ABL2: variants seen among roughly 807,000 people sequenced by gnomAD.
ABL2 encodes tyrosine-protein kinase ABL2.
In ABL2, 49 loss-of-function variants were observed where a neutral mutation model predicts 107.7. The ratio of observed to expected loss-of-function variants is 0.45; its 90% CI spans 0.36 to 0.58. ABL2 has a LOEUF of 0.58. Ranked by LOEUF, ABL2 falls within the 20% of genes least tolerant of loss-of-function variation. ABL2 has a pLI of 0.00. For missense variants in ABL2, 1,245 were observed against 1,457.0 expected (o/e 0.85, Z 2.37); for synonymous variants, 549 against 548.6 (o/e 1.00, Z -0.01).
chr1:179,190,047 C>A (rs1405435869), intron 1 of ABL2, among the ~76,000 whole-genome samples: 1 of 152,056 alleles, frequency 6.6e-6, no homozygotes, highest in Non-Finnish European at 1.5e-5. Flanking sequence ...GAACTCCTGA[C>A]CTCAGGTGAT....
intron 1 of ABL2, among the ~76,000 whole-genome samples, chr1:179,173,638 C>A (rs924373888): frequency 6.6e-6 from 1 of 152,024 alleles, no homozygotes; most frequent in African/African-American, 2.4e-5. Flanking sequence ...GTGAGAGCCA[C>A]CATGCCCAGC....
At position 179,102,666 on chromosome 1, in the gene ABL2, CAATATG is replaced by C; in HGVS notation, c.*5046_*5051del. Reference sequence around the variant, plus strand: ...AAAAATATAGATAACCCTGTCAACCCAATATGAACTCCTGGTAGGGGCACAGCCTGA... The same window carrying C: ...AAAAATATAGATAACCCTGTCAACCCAACTCCTGGTAGGGGCACAGCCTGA... On this transcript the variant is annotated 3_prime_UTR_variant, in exon 12 of 12. Coordinates refer to ENST00000502732, the MANE Select transcript of ABL2 (RefSeq NM_007314.4). 1 of 229,964 alleles carries C rather than the reference CAATATG, an allele frequency of 4.3e-6. No homozygotes were observed. The highest frequency in any genetic ancestry group is 6.2e-5 in the East Asian group (1 of 16,172). 14.2% of individuals were successfully genotyped at this position (229,964 alleles called of 1,614,324 possible). A position where few individuals can be genotyped will look rare whatever the true frequency, so the allele number is the denominator to read the frequency against.
rs754910801 is a variant in ABL2, at chr1:179,166,049, G to A, written c.158-32675C>T. Among the ~76,000 whole-genome samples, 4 of 151,892 alleles carry A rather than the reference G, an allele frequency of 2.6e-5. No individual in the cohort carries two copies. The South Asian group carries it at 6.2e-4, about 24-fold the overall frequency. ...TGACCTCAGGTGATCTGCCCGCCTCGGCCTCCCTAAGTGCTGGGATTACAG... is the reference window on the plus strand; with the variant it reads ...TGACCTCAGGTGATCTGCCCGCCTCAGCCTCCCTAAGTGCTGGGATTACAG... On this transcript the variant is annotated intron_variant, in intron 1 of 11. Transcript: ENST00000502732.
At chr1:179,137,295 T>C (rs1196985835) in intron 1 of ABL2, among the ~76,000 whole-genome samples, 1 of 152,154 alleles carries the variant, frequency 6.6e-6, no homozygotes, top group East Asian at 1.9e-4. Flanking sequence ...AAAAATTATC[T>C]ACTCTAGCAG....
At chr1:179,202,467 A>G (rs1212427319) in intron 1 of ABL2, among the ~76,000 whole-genome samples, 1 of 152,244 alleles carries the variant, frequency 6.6e-6, no homozygotes, top group Non-Finnish European at 1.5e-5. Context: ...TCTGTTCAAC[A>G]GGTCACATAA....
At position 179,101,438 on chromosome 1, in the gene ABL2, G is replaced by C. The variant is rs900950865; in HGVS notation, c.*6280C>G. On this transcript the variant is annotated 3_prime_UTR_variant, in exon 12 of 12. Transcript: ENST00000502732. The stretch of plus-strand genomic sequence containing the variant: ...GTCACTTAGGCTGGAGTGCAGCGGC[G>C]CGATCTCAGCTCACTGCAACCTCCG... 1 of 177,554 alleles carries C rather than the reference G, an allele frequency of 5.6e-6. No individual in the cohort carries two copies. The highest frequency in any genetic ancestry group is 1.2e-5 in the Non-Finnish European group (1 of 83,564). 11.0% of individuals were successfully genotyped at this position (177,554 alleles called of 1,614,324 possible).
At chr1:179,211,791 G>GAAAA (rs35073460) in intron 1 of ABL2, among the ~76,000 whole-genome samples, 15 of 136,040 alleles carry the variant, frequency 1.1e-4, no homozygotes, top group Non-Finnish European at 1.4e-4. Context: ...AATCCTTCTC[G>GAAAA]AAAAAAAAAA....
chr1:179,186,907 T>C (rs1265886456), intron 1 of ABL2, among the ~76,000 whole-genome samples: 1 of 151,932 alleles, frequency 6.6e-6, no homozygotes, highest in Non-Finnish European at 1.5e-5. Context: ...TGGCTAATTT[T>C]TGTATTTTTA....
chr1:179,125,781 A>C (rs1655673110), intron 4 of ABL2, among the ~76,000 whole-genome samples: 2 of 152,218 alleles, frequency 1.3e-5, no homozygotes, highest in Admixed American at 6.5e-5. Flanking sequence ...ATAGAGGAGA[A>C]TAGAAGAAAT....
chr1:179,204,980 G>C (rs1159538679), intron 1 of ABL2, among the ~76,000 whole-genome samples: 1 of 151,324 alleles, frequency 6.6e-6, no homozygotes, highest in African/African-American at 2.4e-5. Flanking sequence ...CATAATGGGT[G>C]ACCCAAATAT....
At chr1:179,124,062 A>C (rs951526493) in intron 4 of ABL2, among the ~76,000 whole-genome samples, 4 of 152,022 alleles carry the variant, frequency 2.6e-5, no homozygotes, top group Non-Finnish European at 5.9e-5. Flanking sequence ...TATCATGGTG[A>C]AACACCGTCT....
intron 1 of ABL2, among the ~76,000 whole-genome samples, chr1:179,154,875 T>G (rs760761555): frequency 1.6e-4 from 25 of 152,216 alleles, no homozygotes; most frequent in Non-Finnish European, 3.5e-4. Context: ...CTGTTAGCAT[T>G]TGACAGTATG....
Position 179,101,363 on chromosome 1 carries a change from G to T in ABL2, c.*6355C>A. ...CCTTTGGATCTAGGATATTGAGTCA[G>T]AAATGAAGGTATCCTTTTTTTTTTT... On this transcript the variant is annotated 3_prime_UTR_variant, in exon 12 of 12. Transcript: ENST00000502732. The T allele has an allele frequency of 5.5e-6, 1 of 183,026 alleles. No individual in the cohort carries two copies. Among genetic ancestry groups the T allele is most frequent in the Admixed American group, 6.8e-5 (1 of 14,700 alleles). The allele number at this position is 183,026 out of a possible 1,614,324, so 11.3% of individuals were successfully genotyped here. A position where few individuals can be genotyped will look rare whatever the true frequency, so the allele number is the denominator to read the frequency against.
intron 4 of ABL2, among the ~76,000 whole-genome samples, chr1:179,123,281 A>G (rs1655397577): frequency 6.6e-6 from 1 of 151,968 alleles, no homozygotes; most frequent in African/African-American, 2.4e-5. Flanking sequence ...TGAGGTGGGC[A>G]GGTCACTTGA....
Position 179,126,635 on chromosome 1 carries a change from A to G in ABL2, c.429T>C (p.Gly143=), listed in dbSNP as rs772798241. The change falls in exon 4 of 12, where the codon GGT becomes GGC. Residue 143 remains glycine (G), a synonymous_variant. Transcript: ENST00000502732. The surrounding 1 kb of genome is among the most constrained non-coding windows in gnomAD (Gnocchi z 4.4). The part of the protein sequence containing the change: ...KLRVLGYNQN[G]EWSEVRSKNG... ...TCTTAGAGCGAACTTCACTCCACTCACCATTCTGGTTGTAACCAAGGACTC... is the reference window on the plus strand; with the variant it reads ...TCTTAGAGCGAACTTCACTCCACTCGCCATTCTGGTTGTAACCAAGGACTC... The G allele has an allele frequency of 6.2e-7, 1 of 1,613,986 alleles. No individual in the cohort carries two copies. The highest frequency in any genetic ancestry group is 1.1e-5 in the South Asian group (1 of 91,078).
intron 1 of ABL2, among the ~76,000 whole-genome samples, chr1:179,160,447 T>C (rs181843920): frequency 4.2e-3 from 632 of 152,168 alleles, no homozygotes; most frequent in Middle Eastern, 0.01. Context: ...AAGCTGAAAT[T>C]CCAAACTTTT....
Position 179,118,693 on chromosome 1 carries a change from G to A in ABL2, c.1117C>T (p.Leu373Phe). Residue 373 changes from leucine to phenylalanine, a missense_variant, in exon 7 of 12, where the codon CTC becomes TTC. By Grantham distance (22) the Leu-to-Phe change is conservative (BLOSUM62 0). Transcript: ENST00000502732. Reference protein sequence around the residue: ...YMPYGNLLDYLRECNREEVTA... With the variant: ...YMPYGNLLDYFRECNREEVTA... ...ACCTCTTCTCGGTTGCATTCTCGGA[G>A]GTAATCCAGCAAATTCCCGTATGGC... The A allele has an allele frequency of 1.2e-6, 2 of 1,614,046 alleles. No homozygotes were observed. Among genetic ancestry groups the A allele is most frequent in the Non-Finnish European group, 8.5e-7 (1 of 1,180,002 alleles).
chr1:179,130,921 A>G (rs1656252374), intron 3 of ABL2, among the ~76,000 whole-genome samples: 1 of 151,200 alleles, frequency 6.6e-6, no homozygotes, highest in Non-Finnish European at 1.5e-5. Flanking sequence ...GGGGAAAAAA[A>G]TGTATTTCAG....
At chr1:179,189,461 T>C (rs537427473) in intron 1 of ABL2, among the ~76,000 whole-genome samples, 5 of 152,214 alleles carry the variant, frequency 3.3e-5, no homozygotes, top group Admixed American at 2.6e-4. Context: ...AATAAGACTC[T>C]CCAGGAATTT....
Sources: gnomAD v4.1 joint callset for allele counts (sites outside exome capture counted in the v4.1 genomes callset) on GRCh38, gnomAD v4.1.1 for gene constraint, Gnocchi (gnomAD v3.1) non-coding constraint, MANE v1.5 for transcripts, NCBI Gene and HGNC (gene_info 2026-07-23, HGNC 2026-07-21) for gene names.